Variants in SFSWAP observed in about 807,000 individuals in gnomAD.
The protein encoded by SFSWAP is splicing factor, suppressor of white-apricot homolog.
SFSWAP carries 17 observed loss-of-function variants against 100.7 expected under a neutral mutation model. That is an observed-to-expected ratio of 0.17 (90% CI 0.12 to 0.25). SFSWAP has a LOEUF of 0.25. Ranked by LOEUF, SFSWAP falls within the 10% of genes least tolerant of loss-of-function variation. The probability of loss-of-function intolerance (pLI) is 1.00; values close to 1 mark genes in which losing one functional copy is unlikely to be tolerated. For missense variants in SFSWAP, 1,005 were observed against 1,262.6 expected, an observed-to-expected ratio of 0.80 and a Z score of 3.09; for synonymous variants, 504 against 510.1, an observed-to-expected ratio of 0.99 and a Z score of 0.16.
intron 6 of SFSWAP, among the ~76,000 whole-genome samples, chr12:131,727,839 C>T (rs1056670183): frequency 1.3e-5 from 2 of 152,140 alleles, no homozygotes; most frequent in Non-Finnish European, 2.9e-5. Context: ...CTCTGCCATT[C>T]GCGACATAAA....
chr12:131,771,859 C>T (rs2136246171), intron 13 of SFSWAP, among the ~76,000 whole-genome samples: 1 of 152,160 alleles, frequency 6.6e-6, no homozygotes, highest in African/African-American at 2.4e-5. Context: ...GACAGGGTTT[C>T]ACCATGTTGG....
chr12:131,722,521 G>A (rs1021182118), intron 4 of SFSWAP, among the ~76,000 whole-genome samples: 1 of 152,192 alleles, frequency 6.6e-6, no homozygotes, highest in African/African-American at 2.4e-5. Flanking sequence ...GGAAGGATTC[G>A]ATAGTTGCTG....
chr12:131,735,739 A>G (rs1035814157), intron 7 of SFSWAP, among the ~76,000 whole-genome samples: 1 of 152,234 alleles, frequency 6.6e-6, no homozygotes, highest in Admixed American at 6.5e-5. Flanking sequence ...GGATTTCTGT[A>G]AAGTGATGCC....
At chr12:131,771,953 TCC>T (rs1386693313) in intron 13 of SFSWAP, among the ~76,000 whole-genome samples, 1 of 152,170 alleles carries the variant, frequency 6.6e-6, no homozygotes, top group Non-Finnish European at 1.5e-5. Context: ...GAGCCACCGC[TCC>T]CGGCCACTTT....
chr12:131,720,090 G>A (rs1455826021), intron 4 of SFSWAP, among the ~76,000 whole-genome samples: 2 of 152,172 alleles, frequency 1.3e-5, no homozygotes, highest in African/African-American at 4.8e-5. Flanking sequence ...ACTGGTTACT[G>A]TCTGTTCAGC....
chr12:131,720,279 C>T (rs1209096816), intron 4 of SFSWAP, among the ~76,000 whole-genome samples: 1 of 152,134 alleles, frequency 6.6e-6, no homozygotes, highest in Non-Finnish European at 1.5e-5. Context: ...ACCCTATAAG[C>T]GAACTACTGT....
chr12:131,754,489 A>C lies in SFSWAP; in HGVS notation c.1444A>C (p.Asn482His). The C allele has an allele frequency of 6.3e-7, 1 of 1,589,528 alleles. No individual in the cohort carries two copies. The highest frequency in any genetic ancestry group is 8.6e-7 in the Non-Finnish European group (1 of 1,169,524). ...LKFETSVRAK[N>H]DQRFEFLQPW... ...GTTCGAGACCAGTGTTCGTGCCAAG[A>C]ATGATCAAAGGTCAGAAGAAGAATT... The change falls in exon 9 of 18, where the codon AAT becomes CAT. Residue 482 changes from asparagine to histidine, a missense_variant. Physicochemically the swap from Asn to His is moderately conservative, Grantham distance 68. Transcript: ENST00000261674.
chr12:131,719,329 AG>A, intron 3 of SFSWAP, 124 bp from the exon 4 acceptor site: 2 of 692,286 alleles, frequency 2.9e-6, no homozygotes, highest in South Asian at 3.3e-5. Flanking sequence ...GATGGCTTCT[AG>A]GAGTAACAAC....
At chr12:131,789,846 G>T (rs1299106325) in intron 15 of SFSWAP, among the ~76,000 whole-genome samples, 1 of 152,202 alleles carries the variant, frequency 6.6e-6, no homozygotes, top group African/African-American at 2.4e-5. Context: ...CACAGATCAG[G>T]ACACACAGAA....
rs1882955497 is a variant in SFSWAP at position 131,764,581 on chromosome 12, A to G, written c.1846A>G (p.Ser616Gly). Residue 616 changes from serine to glycine, a missense_variant, in exon 12 of 18, where the codon AGT becomes GGT. Transcript: ENST00000261674. ...DDEESKEGQE[S>G]SSSAANTNPA... Reference sequence around the variant, plus strand: ...TGAAGAAAGCAAAGAAGGCCAAGAAAGTTCTAGTAGTGCTGCAAACACTAA... The same window carrying G: ...TGAAGAAAGCAAAGAAGGCCAAGAAGGTTCTAGTAGTGCTGCAAACACTAA... The G allele has an allele frequency of 3.7e-6, 6 of 1,614,246 alleles. No homozygotes were observed. Among genetic ancestry groups the G allele is most frequent in the Non-Finnish European group, 5.1e-6 (6 of 1,180,034 alleles).
intron 16 of SFSWAP, among the ~76,000 whole-genome samples, chr12:131,798,188 C>T (rs1230427828): frequency 2.6e-5 from 4 of 152,108 alleles, no homozygotes; most frequent in African/African-American, 9.7e-5. Context: ...TCTGTAATCC[C>T]AGCTACTCAG....
At chr12:131,777,394 T>A (rs1056622672) in intron 13 of SFSWAP, among the ~76,000 whole-genome samples, 1 of 152,172 alleles carries the variant, frequency 6.6e-6, no homozygotes, top group African/African-American at 2.4e-5. Flanking sequence ...CATGCGGTGT[T>A]TGGTTTTTTG....
chr12:131,728,328 A>C lies in SFSWAP; in HGVS notation c.981A>C (p.Ala327=). Residue 327 remains alanine, a synonymous_variant, in exon 7 of 18, where the codon GCA becomes GCC. Transcript: ENST00000261674. ...LKVVDPDHPL[A]ALVRKAQADS... is the part of the protein sequence containing the mutation. ...TAGTGGACCCAGATCATCCCCTCGC[A>C]GCACTTGTTCGTAAGGCACAGGCTG... 1 of 1,614,228 alleles carries C rather than the reference A, an allele frequency of 6.2e-7. No homozygotes were observed. Among genetic ancestry groups the C allele is most frequent in the Non-Finnish European group, 8.5e-7 (1 of 1,180,042 alleles).
At chr12:131,748,789 C>T (rs1018609123) in intron 7 of SFSWAP, among the ~76,000 whole-genome samples, 3 of 152,242 alleles carry the variant, frequency 2.0e-5, no homozygotes, top group African/African-American at 7.2e-5. Context: ...TCTCGTCATA[C>T]AACTATACTT....
intron 7 of SFSWAP, among the ~76,000 whole-genome samples, chr12:131,750,003 A>G (rs1447189264): frequency 2.6e-5 from 4 of 152,204 alleles, no homozygotes; most frequent in African/African-American, 9.6e-5. Flanking sequence ...AGGCCGTGCA[A>G]AGGACAGAGA....
chr12:131,717,044 A>G (rs1419096056), intron 3 of SFSWAP, among the ~76,000 whole-genome samples: 3 of 152,190 alleles, frequency 2.0e-5, no homozygotes, highest in African/African-American at 7.2e-5. Context: ...TTGGGCCCAC[A>G]TAAAACTTAG....
intron 14 of SFSWAP, chr12:131,783,792 T>TTATATATATATA (rs68047235): frequency 0.021 from 1,809 of 86,552 alleles, 138 homozygotes; most frequent in East Asian, 0.055. Flanking sequence ...AAAAAACATT[T>TTATATATATATA]TATATATATA....
chr12:131,760,730 CTGTT>C (rs757900457), intron 11 of SFSWAP, among the ~76,000 whole-genome samples: 7 of 152,112 alleles, frequency 4.6e-5, no homozygotes, highest in Non-Finnish European at 7.4e-5. Flanking sequence ...TTATTGCTGT[CTGTT>C]TAAGTGGTCT....
At chr12:131,773,172 A>G (rs967778538) in intron 13 of SFSWAP, among the ~76,000 whole-genome samples, 2 of 152,142 alleles carry the variant, frequency 1.3e-5, no homozygotes, top group East Asian at 3.8e-4. Context: ...AGCCCTCACC[A>G]GTATTTCCCT....
Sources: gnomAD v4.1 joint callset for allele counts (sites outside exome capture counted in the v4.1 genomes callset) on GRCh38, gnomAD v4.1.1 for gene constraint, MANE v1.5 for transcripts, NCBI Gene and HGNC (gene_info 2026-07-23, HGNC 2026-07-21) for gene names.